The following INPP4B variants were observed in gnomAD, a reference collection of about 807,000 sequenced individuals.
The protein encoded by INPP4B is inositol polyphosphate-4-phosphatase type II B, also known as inositol polyphosphate 4-phosphatase type II.
INPP4B carries 55 observed loss-of-function variants against 122.5 expected under a neutral mutation model. The observed-to-expected ratio is 0.45, with a 90% CI of 0.36 to 0.56. INPP4B has a LOEUF of 0.56. Ranked by LOEUF, INPP4B falls within the 20% of genes least tolerant of loss-of-function variation. The probability of loss-of-function intolerance (pLI) is 0.00; values close to 1 mark genes in which losing one functional copy is unlikely to be tolerated. For missense variants in INPP4B, 1,000 were observed against 1,097.7 expected (o/e 0.91, Z 1.26); for synonymous variants, 403 against 388.7 (o/e 1.04, Z -0.43).
intron 2 of INPP4B, among the ~76,000 whole-genome samples, chr4:142,701,202 T>C (rs930961868): frequency 6.6e-6 from 1 of 152,134 alleles, no homozygotes; most frequent in Non-Finnish European, 1.5e-5. Flanking sequence ...AAACAAGGTA[T>C]GTCATAATTA....
At chr4:142,516,567 C>T (rs955135125) in intron 2 of INPP4B, among the ~76,000 whole-genome samples, 3 of 152,112 alleles carry the variant, frequency 2.0e-5, no homozygotes, top group African/African-American at 7.2e-5. Flanking sequence ...GATCAACACA[C>T]AATGTTTAGT....
At chr4:142,345,820 G>A (rs895684108) in intron 7 of INPP4B, among the ~76,000 whole-genome samples, 1 of 151,986 alleles carries the variant, frequency 6.6e-6, no homozygotes, top group African/African-American at 2.4e-5. Context: ...CATGCATGTA[G>A]GGCTGATAAT....
At chr4:142,657,614 G>A (rs1723778281) in intron 2 of INPP4B, among the ~76,000 whole-genome samples, 5 of 152,150 alleles carry the variant, frequency 3.3e-5, no homozygotes, top group Admixed American at 3.3e-4. Flanking sequence ...TTTGCCTAGG[G>A]TTAAAGAATT....
At position 142,641,576 on chromosome 4, in the gene INPP4B, A is replaced by G. The variant is rs747059299; in HGVS notation, c.-191+84263T>C. On this transcript the variant is annotated intron_variant, in intron 2 of 25. Coordinates refer to ENST00000262992, the MANE Select transcript of INPP4B (RefSeq NM_001101669.3). ...AGAATGATGGTTTCCATCTTCATTCATGTCCCTACAAAGGACATGAACTCA... is the reference window on the plus strand; with the variant it reads ...AGAATGATGGTTTCCATCTTCATTCGTGTCCCTACAAAGGACATGAACTCA... Among the ~76,000 whole-genome samples the G allele has an allele frequency of 1.8e-3, 272 of 152,084 alleles. 3 individuals are homozygous for G. The highest frequency in any genetic ancestry group is 2.3e-3 in the Non-Finnish European group (159 of 68,014).
chr4:142,557,567 A>C (rs961973889), intron 2 of INPP4B, among the ~76,000 whole-genome samples: 1 of 152,196 alleles, frequency 6.6e-6, no homozygotes, highest in Non-Finnish European at 1.5e-5. Flanking sequence ...TCAGGATTGC[A>C]GACACATGCT....
At chr4:142,072,025 G>T (rs1393611121) in intron 25 of INPP4B, among the ~76,000 whole-genome samples, 2 of 152,138 alleles carry the variant, frequency 1.3e-5, no homozygotes, top group Non-Finnish European at 2.9e-5. Flanking sequence ...CTGCTATAAA[G>T]ACACATGCAC....
intron 2 of INPP4B, among the ~76,000 whole-genome samples, chr4:142,621,994 G>GT (rs1560877188): frequency 6.6e-6 from 1 of 151,904 alleles, no homozygotes; most frequent in African/African-American, 2.4e-5. Flanking sequence ...AGGTTATACA[G>GT]TAAGTAAATT....
At chr4:142,682,580 A>C (rs1758783936) in intron 2 of INPP4B, among the ~76,000 whole-genome samples, 1 of 151,912 alleles carries the variant, frequency 6.6e-6, no homozygotes, top group African/African-American at 2.4e-5. Flanking sequence ...TTTATACCTA[A>C]AACAGTGTCA....
chr4:142,526,861 T>C (rs1826983726), intron 2 of INPP4B, among the ~76,000 whole-genome samples: 2 of 52,764 alleles, frequency 3.8e-5, no homozygotes, highest in South Asian at 1.2e-3. Flanking sequence ...TTTAAAATTC[T>C]CATTTATGTA....
intron 1 of INPP4B, among the ~76,000 whole-genome samples, chr4:142,744,725 T>G (rs1268132743): frequency 6.6e-6 from 1 of 150,996 alleles, no homozygotes; most frequent in Non-Finnish European, 1.5e-5. Flanking sequence ...AAACAAAAGA[T>G]CAGAAATTAT....
chr4:142,311,549 C>T (rs1872294), intron 8 of INPP4B, among the ~76,000 whole-genome samples: 46,425 of 152,008 alleles, frequency 0.31, 8,352 homozygotes, highest in African/African-American at 0.51. Flanking sequence ...CTTCCAAGCA[C>T]AAAGCCAGGA....
intron 1 of INPP4B, among the ~76,000 whole-genome samples, chr4:142,838,694 T>C (rs1029080566): frequency 6.6e-6 from 1 of 152,246 alleles, no homozygotes; most frequent in South Asian, 2.1e-4. Context: ...TGTTTTACAA[T>C]GGAATTATAT....
At chr4:142,644,262 C>CAGG (rs1308351752) in intron 2 of INPP4B, among the ~76,000 whole-genome samples, 1 of 114,060 alleles carries the variant, frequency 8.8e-6, no homozygotes, top group Non-Finnish European at 1.7e-5. Context: ...GGAAGGGGGT[C>CAGG]AGGAGGAGGA....
chr4:142,440,925 A>G (rs1432079366), intron 3 of INPP4B, among the ~76,000 whole-genome samples: 1 of 152,228 alleles, frequency 6.6e-6, no homozygotes, highest in Admixed American at 6.5e-5. Context: ...AAATACTATT[A>G]TTAAGCACTG....
intron 2 of INPP4B, among the ~76,000 whole-genome samples, chr4:142,554,071 C>T (rs1728564164): frequency 6.6e-6 from 1 of 151,726 alleles, no homozygotes; most frequent in Non-Finnish European, 1.5e-5. Flanking sequence ...CGCCTGTAAT[C>T]CCAGCTACTC....
At chr4:142,797,253 G>A (rs1262842523) in intron 1 of INPP4B, among the ~76,000 whole-genome samples, 2 of 151,966 alleles carry the variant, frequency 1.3e-5, no homozygotes, top group African/African-American at 4.8e-5. Context: ...GTAAGTGACT[G>A]AGCCAAAATA....
At chr4:142,506,151 A>G (rs1824001713) in intron 2 of INPP4B, among the ~76,000 whole-genome samples, 1 of 152,216 alleles carries the variant, frequency 6.6e-6, no homozygotes, top group South Asian at 2.1e-4. Context: ...AATGTATACA[A>G]GTGTCCCACA....
intron 2 of INPP4B, among the ~76,000 whole-genome samples, chr4:142,668,517 G>A (rs1468356182): frequency 6.6e-6 from 1 of 152,020 alleles, no homozygotes; most frequent in Non-Finnish European, 1.5e-5. Context: ...GTCAAGAAAA[G>A]GAAATAAAAA....
At chr4:142,206,355 CTTT>C (rs35063723) in intron 14 of INPP4B, among the ~76,000 whole-genome samples, 5 of 130,020 alleles carry the variant, frequency 3.8e-5, no homozygotes, top group African/African-American at 8.8e-5. Context: ...CTCTCTCTCT[CTTT>C]TTTTTTTTTT....
Sources: allele counts gnomAD v4.1 joint callset (sites outside exome capture counted in the v4.1 genomes callset), GRCh38; gene constraint gnomAD v4.1.1; transcripts MANE v1.5; gene names NCBI Gene and HGNC (gene_info 2026-07-23, HGNC 2026-07-21).